Variants in GNA14 observed in about 807,000 individuals in gnomAD.
The protein encoded by GNA14 is guanine nucleotide-binding protein subunit alpha-14.
A neutral mutation model predicts 42.0 loss-of-function variants in GNA14; 50 were observed. The ratio of observed to expected loss-of-function variants is 1.19; its 90% CI spans 0.95 to 1.51. The LOEUF (loss-of-function observed/expected upper bound fraction) is 1.51. Ranked by LOEUF, GNA14 falls within the 40% of genes most tolerant of loss-of-function variation. The pLI is 0.00. For synonymous variants in GNA14, 173 were observed against 163.1 expected, an observed-to-expected ratio of 1.06 and a Z score of -0.46; for missense variants, 473 against 446.2, an observed-to-expected ratio of 1.06 and a Z score of -0.54.
Position 77,429,001 on chromosome 9 carries a change from C to G in GNA14, c.629G>C (p.Arg210Pro), listed in dbSNP as rs773024576. 4 of 1,613,912 alleles carry G rather than the reference C, an allele frequency of 2.5e-6. No homozygotes were observed. The highest frequency in any genetic ancestry group is 3.4e-6 in the Non-Finnish European group (4 of 1,179,792). ...VDVGGQRSERRKWIHCFESVT... is the reference protein window; with the variant it reads ...VDVGGQRSERPKWIHCFESVT... ...ACTCTCAAAGCAGTGAATCCACTTC[C>G]GTCTTTCCGATCGTTGGCCACCAAC... The change falls in exon 5 of 7, where the codon CGG becomes CCG. Residue 210 changes from arginine (R) to proline (P), a missense_variant. Coordinates refer to ENST00000341700, the MANE Select transcript of GNA14 (RefSeq NM_004297.4).
At chr9:77,602,833 G>A (rs1482143398) in intron 1 of GNA14, among the ~76,000 whole-genome samples, 1 of 152,176 alleles carries the variant, frequency 6.6e-6, no homozygotes, top group Admixed American at 6.5e-5. Context: ...GAAAGGCCCT[G>A]TGCTTTGTTT....
At chr9:77,499,922 A>G (rs1319386277) in intron 2 of GNA14, among the ~76,000 whole-genome samples, 1 of 152,144 alleles carries the variant, frequency 6.6e-6, no homozygotes, top group East Asian at 1.9e-4. Context: ...ATTCTTTCTG[A>G]GGACTATATA....
rs79671182 is a variant in GNA14 at position 77,450,783 on chromosome 9, C to T, written c.310-16261G>A. ...TGTAGCTCCCTTAATCCCCATGTGT[C>T]GTGGGAGGGAACTGATGGGAAGTAA... On this transcript the variant is annotated intron_variant, in intron 2 of 6. Coordinates refer to ENST00000341700, the MANE Select transcript of GNA14 (RefSeq NM_004297.4). 6.1e-4 allele frequency among the ~76,000 whole-genome samples: 92 copies of T among 152,014 alleles called. No individual in the cohort carries two copies. In the East Asian group the frequency reaches 0.017, roughly 29 times the overall value.
intron 1 of GNA14, chr9:77,580,237 G>A: frequency 6.9e-6 from 2 of 290,582 alleles, no homozygotes; most frequent in South Asian, 6.3e-5. Context: ...GCCAGGTGAT[G>A]CTCCAGAATG....
intron 1 of GNA14, among the ~76,000 whole-genome samples, chr9:77,631,467 TAAAAAAAA>T (rs59294268): frequency 2.4e-5 from 3 of 123,406 alleles, no homozygotes; most frequent in African/African-American, 9.0e-5. Context: ...ACTTTTTATG[TAAAAAAAA>T]AAAAAAAAAA....
chr9:77,490,139 T>C (rs569163046), intron 2 of GNA14, among the ~76,000 whole-genome samples: 1 of 152,164 alleles, frequency 6.6e-6, no homozygotes, highest in Non-Finnish European at 1.5e-5. Context: ...GTATTTACAA[T>C]CCCTGAGCTA....
At chr9:77,431,538 G>A in intron 3 of GNA14, 89 bp from the exon 4 acceptor site, 1 of 1,202,050 alleles carries the variant, frequency 8.3e-7, no homozygotes, top group Non-Finnish European at 1.2e-6. Flanking sequence ...CCCACTCACA[G>A]TGAGCCCCAC....
At chr9:77,524,603 A>G (rs1837405019) in intron 2 of GNA14, among the ~76,000 whole-genome samples, 2 of 152,228 alleles carry the variant, frequency 1.3e-5, no homozygotes, top group East Asian at 3.8e-4. Flanking sequence ...AGAAGATAAC[A>G]TATAGCATGC....
chr9:77,559,658 T>C (rs562361161), intron 1 of GNA14, among the ~76,000 whole-genome samples: 5 of 152,322 alleles, frequency 3.3e-5, no homozygotes, highest in African/African-American at 1.2e-4. Flanking sequence ...AAGTGGTTAG[T>C]CCAACAAAAA....
chr9:77,647,536 G>A (rs1006543657), intron 1 of GNA14, 134 bp downstream of exon 1: 7 of 1,004,828 alleles, frequency 7.0e-6, no homozygotes, highest in African/African-American at 1.7e-5. Context: ...GCATCCGTGA[G>A]CTCCGAGGGG....
chr9:77,519,082 T>C (rs1837308404), intron 2 of GNA14, among the ~76,000 whole-genome samples: 1 of 152,164 alleles, frequency 6.6e-6, no homozygotes, highest in African/African-American at 2.4e-5. Context: ...TTCTAATGAA[T>C]ATGCTTTTCA....
At chr9:77,500,996 C>G (rs1031261415) in intron 2 of GNA14, among the ~76,000 whole-genome samples, 1 of 151,910 alleles carries the variant, frequency 6.6e-6, no homozygotes, top group African/African-American at 2.4e-5. Context: ...CGCTCTGTCA[C>G]CAGGCTGGAG....
intron 2 of GNA14, among the ~76,000 whole-genome samples, chr9:77,524,585 C>A (rs1837404856): frequency 6.6e-6 from 1 of 152,182 alleles, no homozygotes; most frequent in Non-Finnish European, 1.5e-5. Flanking sequence ...TCATACGATA[C>A]TTTGTAAAGA....
At chr9:77,647,570 C>T in intron 1 of GNA14, 100 bp downstream of exon 1, 1 of 1,356,168 alleles carries the variant, frequency 7.4e-7, no homozygotes, top group Non-Finnish European at 9.9e-7. Context: ...CCGCCCTGCA[C>T]CCCGCTGGGC....
intron 2 of GNA14, among the ~76,000 whole-genome samples, chr9:77,503,352 A>G (rs1837005673): frequency 6.6e-6 from 1 of 152,180 alleles, no homozygotes; most frequent in Non-Finnish European, 1.5e-5. Context: ...AAAGATGTAA[A>G]AGGTAAAGAT....
At chr9:77,555,821 GGA>G (rs1438032428) in intron 1 of GNA14, among the ~76,000 whole-genome samples, 1 of 152,194 alleles carries the variant, frequency 6.6e-6, no homozygotes, top group African/African-American at 2.4e-5. Flanking sequence ...GCAATGAAAA[GGA>G]GTGTACTGAA....
chr9:77,622,427 G>C (rs1185115047), intron 1 of GNA14, among the ~76,000 whole-genome samples: 2 of 152,162 alleles, frequency 1.3e-5, no homozygotes, highest in Non-Finnish European at 1.5e-5. Context: ...AGTTGCCATT[G>C]TAGATGGGTG....
At chr9:77,445,552 GAAAAAA>G (rs762651584) in intron 2 of GNA14, among the ~76,000 whole-genome samples, 4 of 55,956 alleles carry the variant, frequency 7.1e-5, no homozygotes, top group Non-Finnish European at 1.6e-4. Flanking sequence ...TCTCTAAGAA[GAAAAAA>G]AAAAAAAAAA....
chr9:77,623,709 G>T (rs1046177998), intron 1 of GNA14, among the ~76,000 whole-genome samples: 1 of 152,198 alleles, frequency 6.6e-6, no homozygotes, highest in African/African-American at 2.4e-5. Context: ...CTGAGGGACT[G>T]TGCCATGAGG....
Sources: allele counts gnomAD v4.1 joint callset (sites outside exome capture counted in the v4.1 genomes callset), GRCh38; gene constraint gnomAD v4.1.1; transcripts MANE v1.5; gene names NCBI Gene and HGNC (gene_info 2026-07-23, HGNC 2026-07-21).